Variants in COL22A1 observed in about 807,000 individuals in gnomAD.
The protein encoded by COL22A1 is collagen alpha-1(XXII) chain.
A neutral mutation model predicts 248.9 loss-of-function variants in COL22A1; 221 were observed. That is an observed-to-expected ratio of 0.89 (90% CI 0.80 to 0.99). The LOEUF is 0.99. Ranked by LOEUF, COL22A1 falls within the 50% of genes least tolerant of loss-of-function variation. The pLI, the probability that COL22A1 is intolerant of heterozygous loss-of-function variation, is 0.00. For synonymous variants in COL22A1, 891 were observed against 793.4 expected, an observed-to-expected ratio of 1.12 and a Z score of -2.07; for missense variants, 2,240 against 2,179.0, an observed-to-expected ratio of 1.03 and a Z score of -0.56.
intron 41 of COL22A1, among the ~76,000 whole-genome samples, chr8:138,664,209 G>GCGCGCGCGCGCACACA (rs1440442280): frequency 4.8e-5 from 5 of 103,158 alleles, no homozygotes; most frequent in East Asian, 3.2e-4. Flanking sequence ...GCGCGCGCGC[G>GCGCGCGCGCGCACACA]CACACACACA....
intron 60 of COL22A1, among the ~76,000 whole-genome samples, chr8:138,601,166 A>C (rs928430541): frequency 6.6e-6 from 1 of 150,686 alleles, no homozygotes; most frequent in Admixed American, 6.6e-5. Flanking sequence ...CCTGAGTCGC[A>C]TTCTCGGGGG....
intron 30 of COL22A1, among the ~76,000 whole-genome samples, chr8:138,706,056 G>C (rs1400435059): frequency 2.6e-5 from 4 of 152,200 alleles, no homozygotes; most frequent in African/African-American, 9.7e-5. Flanking sequence ...TTACATAATA[G>C]TAGAGGGATC....
intron 1 of COL22A1, among the ~76,000 whole-genome samples, chr8:138,903,292 T>C (rs1277524783): frequency 6.6e-6 from 1 of 152,124 alleles, no homozygotes; most frequent in East Asian, 1.9e-4. Flanking sequence ...ATTCACATTC[T>C]GGGCCACCCA....
intron 17 of COL22A1, among the ~76,000 whole-genome samples, chr8:138,760,616 C>T (rs1234136563): frequency 6.6e-6 from 1 of 152,044 alleles, no homozygotes; most frequent in Non-Finnish European, 1.5e-5. Flanking sequence ...CCAGGACCTG[C>T]CCCGGCCCAG....
chr8:138,805,806 GTA>G lies in COL22A1; in HGVS notation c.1494+1960_1494+1961del, dbSNP rs1216684944. Among the ~76,000 whole-genome samples, 20 of 147,106 alleles carry G rather than the reference GTA, an allele frequency of 1.4e-4. No individual in the cohort carries two copies. In the East Asian group the frequency reaches 4.2e-3, roughly 31 times the overall value. ...TGATGGTGCGTGATGGTGTGTGTCTGTATGTGTGATGGTGTGTGTGTTTTTGA... is the reference window on the plus strand; with the variant it reads ...TGATGGTGCGTGATGGTGTGTGTCTGTGTGTGATGGTGTGTGTGTTTTTGA... On this transcript the variant is annotated intron_variant, in intron 10 of 64. Coordinates refer to ENST00000303045, the MANE Select transcript of COL22A1 (RefSeq NM_152888.3).
chr8:138,889,180 G>A (rs1322097558), intron 1 of COL22A1, among the ~76,000 whole-genome samples: 2 of 151,400 alleles, frequency 1.3e-5, no homozygotes, highest in Non-Finnish European at 2.9e-5. Flanking sequence ...GGTGAAAGAA[G>A]GGACTGGGGC....
intron 49 of COL22A1, among the ~76,000 whole-genome samples, chr8:138,632,433 A>G (rs1300866536): frequency 6.6e-6 from 1 of 152,224 alleles, no homozygotes; most frequent in Non-Finnish European, 1.5e-5. Context: ...GGGACCTTCC[A>G]TGAATATAAG....
intron 36 of COL22A1, 90 bp from the exon 37 acceptor site, chr8:138,689,060 C>A (rs1216826791): frequency 9.7e-7 from 1 of 1,035,042 alleles, no homozygotes; most frequent in Admixed American, 1.7e-5. Flanking sequence ...ATCATCAGGT[C>A]CCCCTGAAGT....
At chr8:138,682,250 T>G (rs978040045) in intron 39 of COL22A1, among the ~76,000 whole-genome samples, 1 of 146,404 alleles carries the variant, frequency 6.8e-6, no homozygotes, top group Non-Finnish European at 1.5e-5. Context: ...GTGTTGAATC[T>G]TTAAAGAACT....
intron 22 of COL22A1, among the ~76,000 whole-genome samples, chr8:138,743,183 G>A (rs1831805829): frequency 6.6e-6 from 1 of 151,420 alleles, no homozygotes; most frequent in African/African-American, 2.4e-5. Flanking sequence ...GGTGATGGTG[G>A]AGTTGATGGT....
At chr8:138,841,883 A>G (rs1243130535) in intron 4 of COL22A1, among the ~76,000 whole-genome samples, 2 of 152,172 alleles carry the variant, frequency 1.3e-5, no homozygotes, top group Non-Finnish European at 2.9e-5. Flanking sequence ...CATGGGGAAG[A>G]GCTCTGAATA....
chr8:138,767,497 A>G (rs1055079773), intron 16 of COL22A1, among the ~76,000 whole-genome samples: 1 of 152,104 alleles, frequency 6.6e-6, no homozygotes, highest in Non-Finnish European at 1.5e-5. Flanking sequence ...CAAAAAAGGA[A>G]AAAGCCAGCT....
At chr8:138,844,039 A>G in intron 4 of COL22A1, 45 bp downstream of exon 4, 3 of 1,559,742 alleles carry the variant, frequency 1.9e-6, no homozygotes, top group South Asian at 2.2e-5. Context: ...GGCTCAGCAA[A>G]TCATACACCA....
intron 16 of COL22A1, among the ~76,000 whole-genome samples, chr8:138,772,126 A>C (rs901441003): frequency 6.6e-6 from 1 of 152,098 alleles, no homozygotes; most frequent in Non-Finnish European, 1.5e-5. Context: ...ATCGCCAAAA[A>C]GTCCCATTCC....
rs375943356 is a variant in COL22A1, at chr8:138,760,258, T to A, written c.1887A>T (p.Gly629=). 38 of 1,586,756 alleles carry A rather than the reference T, an allele frequency of 2.4e-5. No homozygotes were observed. The highest frequency in any genetic ancestry group is 3.1e-5 in the Non-Finnish European group (36 of 1,167,632). Residue 629 remains glycine, a synonymous_variant, in exon 18 of 65, where the codon GGA becomes GGT. Transcript: ENST00000303045. ...QGRPGPSGVA[G]PQGEKGDVGP... The stretch of plus-strand genomic sequence containing the variant: ...GCTCGCTCACCTTTTCTCCCTGGGG[T>A]CCTGCCACACCAGAAGGGCCGGGCC...
chr8:138,665,057 G>A (rs1313495029), intron 41 of COL22A1, among the ~76,000 whole-genome samples: 2 of 152,156 alleles, frequency 1.3e-5, no homozygotes, highest in East Asian at 3.9e-4. Flanking sequence ...TATAGTGTCA[G>A]GGGTAACCTA....
At chr8:138,837,694 G>T (rs933169481) in intron 4 of COL22A1, among the ~76,000 whole-genome samples, 1 of 152,170 alleles carries the variant, frequency 6.6e-6, no homozygotes, top group Non-Finnish European at 1.5e-5. Flanking sequence ...GCAGTGGGAG[G>T]GGCTGGTGCC....
At chr8:138,819,922 A>G (rs7010528) in intron 7 of COL22A1, among the ~76,000 whole-genome samples, 131,282 of 151,828 alleles carry the variant, frequency 0.86, 56,888 homozygotes, top group Middle Eastern at 0.94. Context: ...AGCTTAAAGG[A>G]CAGCTGTTGC....
At chr8:138,905,264 C>T (rs1814924158) in intron 1 of COL22A1, among the ~76,000 whole-genome samples, 1 of 152,208 alleles carries the variant, frequency 6.6e-6, no homozygotes, top group African/African-American at 2.4e-5. Flanking sequence ...CCTCCATTAG[C>T]CCATGCTCGA....
Sources: allele counts gnomAD v4.1 joint callset (sites outside exome capture counted in the v4.1 genomes callset), GRCh38; gene constraint gnomAD v4.1.1; transcripts MANE v1.5; gene names NCBI Gene and HGNC (gene_info 2026-07-23, HGNC 2026-07-21).